Variants in CNTN4 observed in about 807,000 individuals in gnomAD.
CNTN4 encodes the protein contactin 4.
Under a neutral mutation model 122.5 loss-of-function variants are expected in CNTN4, and 77 were observed. The ratio of observed to expected loss-of-function variants is 0.63; its 90% CI spans 0.52 to 0.76. The LOEUF is 0.76. CNTN4 is among the 30% of genes least tolerant of loss of function. The probability of loss-of-function intolerance (pLI) is 0.00; values close to 1 mark genes in which losing one functional copy is unlikely to be tolerated. For synonymous variants in CNTN4, 512 were observed against 447.0 expected, an observed-to-expected ratio of 1.15 and a Z score of -1.83; for missense variants, 1,256 against 1,259.1, an observed-to-expected ratio of 1.00 and a Z score of 0.04.
intron 3 of CNTN4, among the ~76,000 whole-genome samples, chr3:2,428,382 G>A (rs2047926419): frequency 6.6e-6 from 1 of 152,182 alleles, no homozygotes; most frequent in Non-Finnish European, 1.5e-5. Context: ...TTTGCTTTAA[G>A]AATGTTGAAT....
intron 3 of CNTN4, among the ~76,000 whole-genome samples, chr3:2,549,905 A>C (rs748028363): frequency 1.3e-5 from 2 of 152,118 alleles, no homozygotes; most frequent in South Asian, 4.1e-4. Flanking sequence ...CAGGGATTCA[A>C]CTTCTTCCTG....
chr3:2,110,351 G>C (rs1268976337), intron 2 of CNTN4: 1 of 152,252 alleles, frequency 6.6e-6, no homozygotes, highest in Non-Finnish European at 1.5e-5. Flanking sequence ...ATGGCACATT[G>C]TAAGCATTAG....
intron 4 of CNTN4, among the ~76,000 whole-genome samples, chr3:2,721,060 C>T (rs1466778748): frequency 1.3e-5 from 2 of 152,132 alleles, no homozygotes; most frequent in East Asian, 1.9e-4. Flanking sequence ...GCAACCTCCA[C>T]CTCCCAGGTT....
chr3:2,323,412 C>T (rs1502586), intron 2 of CNTN4, among the ~76,000 whole-genome samples: 11,609 of 152,106 alleles, frequency 0.076, 505 homozygotes, highest in Middle Eastern at 0.085. Context: ...AGTGCACATC[C>T]GTCCCTTAAA....
intron 4 of CNTN4, among the ~76,000 whole-genome samples, chr3:2,706,976 ATGTG>A (rs369390925): frequency 1.3e-5 from 2 of 150,834 alleles, no homozygotes; most frequent in African/African-American, 4.9e-5. Flanking sequence ...GATTATGTGT[ATGTG>A]TGTGTGTGTG....
intron 3 of CNTN4, among the ~76,000 whole-genome samples, chr3:2,544,513 A>G (rs2078160829): frequency 6.6e-6 from 1 of 152,136 alleles, no homozygotes; most frequent in Non-Finnish European, 1.5e-5. Context: ...TTAAATAAAA[A>G]CAATATGAGT....
At chr3:2,857,030 G>T (rs1456636549) in intron 7 of CNTN4, among the ~76,000 whole-genome samples, 1 of 152,098 alleles carries the variant, frequency 6.6e-6, no homozygotes, top group African/African-American at 2.4e-5. Context: ...GACAGATGAC[G>T]GTGAGACAAA....
At chr3:2,639,650 C>G (rs761994875) in intron 4 of CNTN4, among the ~76,000 whole-genome samples, 1 of 152,066 alleles carries the variant, frequency 6.6e-6, no homozygotes, top group Non-Finnish European at 1.5e-5. Flanking sequence ...AGCAGGTACT[C>G]GATGCATATT....
intron 13 of CNTN4, among the ~76,000 whole-genome samples, chr3:2,984,112 A>T (rs1268129314): frequency 1.3e-5 from 2 of 152,216 alleles, no homozygotes; most frequent in African/African-American, 4.8e-5. Flanking sequence ...CAAGGCCCAT[A>T]GGAAATTGGA....
At chr3:2,573,315 TC>T (rs932293631) in intron 4 of CNTN4, among the ~76,000 whole-genome samples, 1 of 152,184 alleles carries the variant, frequency 6.6e-6, no homozygotes, top group African/African-American at 2.4e-5. Flanking sequence ...GTTCACGTCT[TC>T]CCCGCTGCAT....
intron 3 of CNTN4, among the ~76,000 whole-genome samples, chr3:2,465,197 A>G (rs1388873683): frequency 6.6e-6 from 1 of 152,208 alleles, no homozygotes; most frequent in Non-Finnish European, 1.5e-5. Flanking sequence ...TTTTGAGATT[A>G]TTTTAGTAAT....
At chr3:2,953,231 C>T (rs2094764104) in intron 13 of CNTN4, among the ~76,000 whole-genome samples, 1 of 152,186 alleles carries the variant, frequency 6.6e-6, no homozygotes, top group Non-Finnish European at 1.5e-5. Flanking sequence ...GTGCCATCAT[C>T]TACCAAGCTC....
At chr3:2,975,713 T>C (rs168165) in intron 13 of CNTN4, among the ~76,000 whole-genome samples, 67,534 of 152,016 alleles carry the variant, frequency 0.44, 17,504 homozygotes, top group African/African-American at 0.74. Context: ...ACTCTGCTGT[T>C]CTGATTTTGT....
At chr3:2,290,630 A>G (rs2042099229) in intron 2 of CNTN4, among the ~76,000 whole-genome samples, 1 of 152,190 alleles carries the variant, frequency 6.6e-6, no homozygotes, top group Non-Finnish European at 1.5e-5. Flanking sequence ...CAGAGACATG[A>G]TGAAAGAACT....
rs141415017 is a variant in CNTN4, at chr3:2,345,367, C to G, written c.-89+6134C>G. 4.7e-3 allele frequency among the ~76,000 whole-genome samples: 712 copies of G among 152,034 alleles called. 1 individual carries two copies. The highest frequency in any genetic ancestry group is 0.01 in the Middle Eastern group (3 of 294). ...AAATATAAGGGATAATTGTGTTATT[C>G]TGTGAAGTATTTTATAAGCTGTAAT... On this transcript the variant is annotated intron_variant, in intron 3 of 24. Coordinates refer to ENST00000418658, the MANE Select transcript of CNTN4 (RefSeq NM_175607.3).
intron 2 of CNTN4, among the ~76,000 whole-genome samples, chr3:2,328,214 G>A (rs2043542055): frequency 6.6e-6 from 1 of 152,042 alleles, no homozygotes; most frequent in Non-Finnish European, 1.5e-5. Context: ...GACCATCCTG[G>A]CTAACACGGT....
At chr3:2,845,217 T>C (rs188896811) in intron 7 of CNTN4, among the ~76,000 whole-genome samples, 2 of 152,148 alleles carry the variant, frequency 1.3e-5, no homozygotes, top group Non-Finnish European at 2.9e-5. Context: ...ATTCATACTC[T>C]AGTATAATTC....
intron 3 of CNTN4, among the ~76,000 whole-genome samples, chr3:2,417,970 G>A (rs1197146317): frequency 6.6e-6 from 1 of 152,168 alleles, no homozygotes; most frequent in Non-Finnish European, 1.5e-5. Context: ...ATCCGTGGTT[G>A]CCAGGGATTT....
intron 2 of CNTN4, among the ~76,000 whole-genome samples, chr3:2,126,457 G>T (rs958050621): frequency 6.6e-6 from 1 of 152,058 alleles, no homozygotes; most frequent in Non-Finnish European, 1.5e-5. Flanking sequence ...GTAGGTATCT[G>T]GGTTTCTAGT....
Sources: allele counts gnomAD v4.1 joint callset (sites outside exome capture counted in the v4.1 genomes callset), GRCh38; gene constraint gnomAD v4.1.1; transcripts MANE v1.5; gene names NCBI Gene and HGNC (gene_info 2026-07-23, HGNC 2026-07-21).